SCAF8: variants seen among roughly 807,000 people sequenced by gnomAD.
SCAF8 encodes the protein SR-related CTD associated factor 8.
Under a neutral mutation model 140.5 loss-of-function variants are expected in SCAF8, and 23 were observed. The observed-to-expected ratio is 0.16, with a 90% CI of 0.12 to 0.23. SCAF8 has a LOEUF of 0.23. Ranked by LOEUF, SCAF8 falls within the 10% of genes least tolerant of loss-of-function variation. SCAF8 has a pLI of 1.00. For synonymous variants in SCAF8, 575 were observed against 528.9 expected, an observed-to-expected ratio of 1.09 and a Z score of -1.20; for missense variants, 1,397 against 1,555.7, an observed-to-expected ratio of 0.90 and a Z score of 1.72.
At chr6:154,791,503 A>G (rs1309528158) in intron 4 of SCAF8, among the ~76,000 whole-genome samples, 1 of 152,206 alleles carries the variant, frequency 6.6e-6, no homozygotes, top group Non-Finnish European at 1.5e-5. Flanking sequence ...AAGATGCTCA[A>G]AATTTGAGAA....
chr6:154,795,620 A>G lies in SCAF8; in HGVS notation c.606+481A>G, dbSNP rs542628424. Among the ~76,000 whole-genome samples, 178 of 152,314 alleles carry G rather than the reference A, an allele frequency of 1.2e-3. 2 individuals carry two copies. The highest frequency in any genetic ancestry group is 3.3e-3 in the African/African-American group (139 of 41,568). On this transcript the variant is annotated intron_variant, in intron 6 of 19. Transcript: ENST00000367178. ...TTGAGGAAGTGACATTTGAATCGAGACATGAAATGGACTAGTCATGGCAGG... is the reference window on the plus strand; with the variant it reads ...TTGAGGAAGTGACATTTGAATCGAGGCATGAAATGGACTAGTCATGGCAGG...
intron 1 of SCAF8, among the ~76,000 whole-genome samples, chr6:154,768,788 C>T (rs189146079): frequency 9.2e-4 from 140 of 152,240 alleles, no homozygotes; most frequent in Middle Eastern, 6.8e-3. Flanking sequence ...GTAAGCCAGG[C>T]GCAGTGGCTC....
intron 4 of SCAF8, among the ~76,000 whole-genome samples, chr6:154,790,489 A>ATTTTTTTTTTTTTTTTTT (rs57095332): frequency 5.6e-5 from 4 of 70,878 alleles, no homozygotes; most frequent in Non-Finnish European, 7.9e-5. Context: ...ATTTAACAGA[A>ATTTTTTTTTTTTTTTTTT]TTTTTTTTTT....
Position 154,787,911 on chromosome 6 carries a change from G to A in SCAF8, c.210G>A (p.Val70=). 3.7e-6 allele frequency: 6 copies of A among 1,613,588 alleles called. No homozygotes were observed. Among genetic ancestry groups the A allele is most frequent in the Non-Finnish European group, 5.1e-6 (6 of 1,179,826 alleles). Residue 70 remains valine, a synonymous_variant, in exon 4 of 20, where the codon GTG becomes GTA. Coordinates refer to ENST00000367178, the MANE Select transcript of SCAF8 (RefSeq NM_014892.5). ...GACTTTATGTTATTGACTCCATTGT[G>A]CGACAATCCCGACATCAGTTTGGTC... ...VPGLYVIDSI[V]RQSRHQFGQE...
rs34342159 is a variant in SCAF8 at position 154,825,655 on chromosome 6, CAAAAAAA to C, written c.2071+1292_2071+1298del. The stretch of plus-strand genomic sequence containing the variant: ...TGGATGACAGAGTGAGACCTTGTCT[CAAAAAAA>C]AAAAAAAAAAAAAAGCTTTTATTAT... On this transcript the variant is annotated intron_variant, in intron 17 of 19. Transcript: ENST00000367178. 1.4e-3 allele frequency among the ~76,000 whole-genome samples: 90 copies of C among 64,352 alleles called. 8 individuals are homozygous for C. The South Asian group carries it at 0.058, about 41-fold the overall frequency. 42.2% of individuals were successfully genotyped at this position (64,352 alleles called of 152,430 possible).
At chr6:154,802,172 G>A (rs1322073190) in intron 7 of SCAF8, 25 bp downstream of exon 7, 1 of 1,442,926 alleles carries the variant, frequency 6.9e-7, no homozygotes, top group Non-Finnish European at 9.4e-7. Context: ...ATCGGATCAA[G>A]TCTATATGAA....
At chr6:154,751,452 T>G (rs948416817) in intron 1 of SCAF8, among the ~76,000 whole-genome samples, 1 of 152,044 alleles carries the variant, frequency 6.6e-6, no homozygotes, top group African/African-American at 2.4e-5. Context: ...GGTCTCGAAC[T>G]CCCTACCTCA....
rs371819737 is a variant in SCAF8 at position 154,810,118 on chromosome 6, C to G, written c.1330C>G (p.Arg444Gly). Residue 444 changes from arginine to glycine, a missense_variant, in exon 12 of 20, where the codon CGG (arginine) becomes GGG (glycine). By Grantham distance (125) the Arg-to-Gly change is moderately radical. This residue lies in a region of SCAF8 where 339 missense variants were observed against 407.5 expected (regional missense o/e 0.83). Transcript: ENST00000367178. The part of the protein sequence containing the change: ...RSRERKRKSS[R>G]SYSSERRARE... The stretch of plus-strand genomic sequence containing the variant: ...AAGAGAAAGAAAGAGGAAATCATCA[C>G]GGTCGTATTCAAGTGAAAGGAGAGC... The G allele has an allele frequency of 6.2e-7, 1 of 1,613,678 alleles. No homozygotes were observed. Among genetic ancestry groups the G allele is most frequent in the East Asian group, 2.2e-5 (1 of 44,860 alleles).
intron 9 of SCAF8, 61 bp from the exon 10 acceptor site, chr6:154,808,009 A>G (rs1209124307): frequency 4.1e-5 from 60 of 1,470,154 alleles, no homozygotes; most frequent in Non-Finnish European, 5.5e-5. Flanking sequence ...CTGTGTTTAC[A>G]TTTTCATTCA....
At position 154,824,272 on chromosome 6, in the gene SCAF8, C is replaced by G; in HGVS notation, c.1965C>G (p.Val655=). 1.2e-6 allele frequency: 2 copies of G among 1,613,996 alleles called. No individual in the cohort carries two copies. Among genetic ancestry groups the G allele is most frequent in the South Asian group, 2.2e-5 (2 of 91,074 alleles). ...CAGCCGTGCCTACAGTTAGTTTAGT[C>G]CCACCAGCATTTCCTGTGTCGATGC... ...VAPAVPTVSL[V]PPAFPVSMPV... is the part of the protein sequence containing the mutation. The change falls in exon 17 of 20, where the codon GTC becomes GTG. Residue 655 remains valine, a synonymous_variant. Coordinates refer to ENST00000367178, the MANE Select transcript of SCAF8 (RefSeq NM_014892.5).
In SCAF8 at chr6:154,833,189, T is replaced by A. The variant is rs560236360; in HGVS notation, c.3610T>A (p.Ser1204Thr). Residue 1204 changes from serine (S) to threonine (T), a missense_variant, in exon 20 of 20, where the codon TCT becomes ACT. Ser to Thr is a moderately conservative substitution (Grantham distance 58). This residue lies in a region of SCAF8 where 930 missense variants were observed against 874.6 expected (regional missense o/e 1.06). Transcript: ENST00000367178. Reference protein sequence around the residue: ...RVFDYFEGATSQRKGDNVPQV... With the variant: ...RVFDYFEGATTQRKGDNVPQV... Reference sequence around the variant, plus strand: ...TTTTGATTATTTTGAAGGGGCCACTTCTCAACGAAAAGGTGATAATGTGCC... The same window carrying A: ...TTTTGATTATTTTGAAGGGGCCACTACTCAACGAAAAGGTGATAATGTGCC... 1.2e-6 allele frequency: 2 copies of A among 1,614,040 alleles called. No individual in the cohort carries two copies. The highest frequency in any genetic ancestry group is 2.2e-5 in the South Asian group (2 of 91,070).
In SCAF8 at chr6:154,832,309, T is replaced by A; in HGVS notation, c.2730T>A (p.Pro910=). 6.2e-7 allele frequency: 1 copy of A among 1,614,010 alleles called. No individual in the cohort carries two copies. The highest frequency in any genetic ancestry group is 8.5e-7 in the Non-Finnish European group (1 of 1,179,992). The stretch of plus-strand genomic sequence containing the variant: ...CAGCTGGACCTCAAAACTTACCCCC[T>A]TTAAGTATCCCTAATCAAAGGATGC... The part of the protein sequence containing the change: ...QPPAGPQNLP[P]LSIPNQRMPT... Residue 910 remains proline (P), a synonymous_variant, in exon 20 of 20, where the codon CCT becomes CCA. Coordinates refer to ENST00000367178, the MANE Select transcript of SCAF8 (RefSeq NM_014892.5).
chr6:154,738,305 T>C (rs1208405078), intron 1 of SCAF8, among the ~76,000 whole-genome samples: 3 of 152,164 alleles, frequency 2.0e-5, no homozygotes, highest in Non-Finnish European at 4.4e-5. Flanking sequence ...TATGTATGAG[T>C]TGTTTTTGTC....
intron 1 of SCAF8, among the ~76,000 whole-genome samples, chr6:154,753,012 G>GTTT (rs558280693): frequency 2.1e-5 from 3 of 145,866 alleles, no homozygotes; most frequent in African/African-American, 5.0e-5. Flanking sequence ...TTTTTGTTTT[G>GTTT]TTTTTTTTTT....
chr6:154,776,792 T>C (rs1180731268), intron 2 of SCAF8, among the ~76,000 whole-genome samples: 3 of 151,942 alleles, frequency 2.0e-5, no homozygotes, highest in South Asian at 2.1e-4. Flanking sequence ...CTTTTTGTTA[T>C]TATAAATACT....
chr6:154,826,951 G>A (rs1266878921), intron 17 of SCAF8, among the ~76,000 whole-genome samples: 1 of 152,006 alleles, frequency 6.6e-6, no homozygotes, highest in East Asian at 1.9e-4. Flanking sequence ...AAATAAATAG[G>A]ATGTTCTCAT....
intron 4 of SCAF8, among the ~76,000 whole-genome samples, 158 bp from the exon 5 acceptor site, chr6:154,792,665 T>A (rs776390767): frequency 2.4e-4 from 37 of 152,188 alleles, no homozygotes; most frequent in Non-Finnish European, 1.2e-4. Context: ...GGGTAGCAAA[T>A]GCAAAAATGA....
intron 3 of SCAF8, among the ~76,000 whole-genome samples, chr6:154,781,325 C>T (rs1404383255): frequency 2.6e-5 from 4 of 152,074 alleles, no homozygotes; most frequent in Non-Finnish European, 4.4e-5. Flanking sequence ...AACCACTGCT[C>T]AAGGAAATCA....
At chr6:154,735,518 T>C (rs1364040529) in intron 1 of SCAF8, among the ~76,000 whole-genome samples, 1 of 105,008 alleles carries the variant, frequency 9.5e-6, no homozygotes, top group African/African-American at 5.0e-5. Flanking sequence ...TTGGGAATCT[T>C]CTTTTTTTTT....
Sources: allele counts gnomAD v4.1 joint callset (sites outside exome capture counted in the v4.1 genomes callset), GRCh38; gene constraint gnomAD v4.1.1; regional missense constraint gnomAD v4.1.1; transcripts MANE v1.5; gene names NCBI Gene and HGNC (gene_info 2026-07-23, HGNC 2026-07-21).